Variants in FGF12 observed in about 807,000 individuals in gnomAD.
The protein encoded by FGF12 is fibroblast growth factor 12B.
Under a neutral mutation model 23.6 loss-of-function variants are expected in FGF12, and 14 were observed. The observed-to-expected ratio is 0.59, with a 90% CI of 0.39 to 0.93. The LOEUF (loss-of-function observed/expected upper bound fraction) is 0.93. Ranked by LOEUF, FGF12 falls within the 40% of genes least tolerant of loss-of-function variation. The pLI is 0.00. For synonymous variants in FGF12, 62 were observed against 77.3 expected (o/e 0.80, Z 1.04); for missense variants, 175 against 217.8 (o/e 0.80, Z 1.24).
At chr3:192,482,525 T>G (rs1723508445) in intron 2 of FGF12, among the ~76,000 whole-genome samples, 1 of 152,106 alleles carries the variant, frequency 6.6e-6, no homozygotes, top group Non-Finnish European at 1.5e-5. Flanking sequence ...TCCCAGCTAC[T>G]CAGGAGGCTG....
At chr3:192,223,612 T>G (rs562191846) in intron 4 of FGF12, among the ~76,000 whole-genome samples, 1 of 152,240 alleles carries the variant, frequency 6.6e-6, no homozygotes, top group East Asian at 1.9e-4. Flanking sequence ...GCAAAATTAT[T>G]CACGGTATCT....
chr3:192,247,662 T>C (rs1711712249), intron 4 of FGF12, among the ~76,000 whole-genome samples: 1 of 152,158 alleles, frequency 6.6e-6, no homozygotes, highest in African/African-American at 2.4e-5. Context: ...ATATAGTTAT[T>C]GATTCTACCA....
intron 2 of FGF12, among the ~76,000 whole-genome samples, chr3:192,588,349 C>CAAAAAAAAAAAAA (rs1201739223): frequency 1.3e-4 from 9 of 66,968 alleles, no homozygotes; most frequent in East Asian, 4.7e-4. Flanking sequence ...CAATCCGTCT[C>CAAAAAAAAAAAAA]AAAAAAAAAA....
chr3:192,373,569 A>G (rs903114316), intron 2 of FGF12, among the ~76,000 whole-genome samples: 1 of 152,236 alleles, frequency 6.6e-6, no homozygotes, highest in Non-Finnish European at 1.5e-5. Context: ...CAATTAATTT[A>G]TTACTTGATA....
intron 4 of FGF12, among the ~76,000 whole-genome samples, chr3:192,270,062 G>A (rs80213417): frequency 0.022 from 3,333 of 152,242 alleles, 95 homozygotes; most frequent in African/African-American, 0.065. Context: ...TTTCAATTTT[G>A]TGTTCCACAT....
rs960200535 is a variant in FGF12 at position 192,360,529 on chromosome 3, A to C, written c.23T>G (p.Leu8Arg). The change falls in exon 3 of 6, where the codon CTC (leucine) becomes CGC (arginine). Residue 8 changes from leucine (L) to arginine (R), a missense_variant. Coordinates refer to ENST00000445105, the MANE Select transcript of FGF12 (RefSeq NM_004113.6). This position sits in a 1 kb window ranked among gnomAD's most constrained non-coding sequence, Gnocchi z 4.3. The stretch of plus-strand genomic sequence containing the variant: ...GAATAACCTTGTCACAATCCCTTTG[A>C]GCTGGGGTTCTGCAAAACAAAATAA... Reference protein sequence around the residue: MESKEPQLKGIVTRLFSQ... With the variant: MESKEPQRKGIVTRLFSQ... 3.1e-6 allele frequency: 5 copies of C among 1,612,816 alleles called. No homozygotes were observed. Among genetic ancestry groups the C allele is most frequent in the Non-Finnish European group, 4.2e-6 (5 of 1,178,984 alleles).
chr3:192,267,508 G>T (rs905878355), intron 4 of FGF12, among the ~76,000 whole-genome samples: 2 of 152,126 alleles, frequency 1.3e-5, no homozygotes, highest in Admixed American at 1.3e-4. Flanking sequence ...GGGCCAAGAA[G>T]ATTCTCCAAG....
intron 4 of FGF12, among the ~76,000 whole-genome samples, chr3:192,327,937 A>G (rs569165948): frequency 6.6e-6 from 1 of 152,216 alleles, no homozygotes; most frequent in Non-Finnish European, 1.5e-5. Flanking sequence ...TTTAAGTGCT[A>G]TTCTCCTAGA....
chr3:192,503,764 C>T (rs1724206984), intron 2 of FGF12, among the ~76,000 whole-genome samples: 1 of 151,936 alleles, frequency 6.6e-6, no homozygotes, highest in South Asian at 2.1e-4. Flanking sequence ...CGCCACCACG[C>T]CCGGCTAAAT....
intron 2 of FGF12, among the ~76,000 whole-genome samples, chr3:192,682,742 T>C (rs1049543393): frequency 6.6e-6 from 1 of 152,180 alleles, no homozygotes; most frequent in African/African-American, 2.4e-5. Context: ...TGTCTCTGGA[T>C]GCGGGCTAGT....
At chr3:192,347,797 A>T (rs1718030965) in intron 3 of FGF12, among the ~76,000 whole-genome samples, 1 of 152,120 alleles carries the variant, frequency 6.6e-6, no homozygotes, top group Non-Finnish European at 1.5e-5. Context: ...ATGGCTCTTG[A>T]TCACTCTTCA....
At chr3:192,373,261 G>A (rs903061977) in intron 2 of FGF12, among the ~76,000 whole-genome samples, 3 of 151,052 alleles carry the variant, frequency 2.0e-5, no homozygotes, top group African/African-American at 7.3e-5. Flanking sequence ...TTAGCATAGT[G>A]CCCATTAACA....
At chr3:192,352,119 T>C (rs1718249265) in intron 3 of FGF12, among the ~76,000 whole-genome samples, 1 of 152,170 alleles carries the variant, frequency 6.6e-6, no homozygotes, top group African/African-American at 2.4e-5. Context: ...TCTCTTCAAG[T>C]AATTAATCAA....
In FGF12 at chr3:192,360,862, TAG is replaced by T. The variant is rs1718690991; in HGVS notation, c.14-326_14-325del. 1.3e-5 allele frequency among the ~76,000 whole-genome samples: 2 copies of T among 152,272 alleles called. No individual in the cohort carries two copies. The highest frequency in any genetic ancestry group is 4.1e-4 in the South Asian group (2 of 4,826). On this transcript the variant is annotated intron_variant, in intron 2 of 5. Coordinates refer to ENST00000445105, the MANE Select transcript of FGF12 (RefSeq NM_004113.6). This position sits in a 1 kb window ranked among gnomAD's most constrained non-coding sequence, Gnocchi z 4.3. ...TGACTGCAAGATTTCACCAACTTTA[TAG>T]TCCCATTCCAGAATTATTGTTTAGG...
chr3:192,190,778 A>G (rs1157000176), intron 4 of FGF12, among the ~76,000 whole-genome samples: 1 of 152,134 alleles, frequency 6.6e-6, no homozygotes. Flanking sequence ...CCCGGCCCCA[A>G]TACTCTTTTT....
At chr3:192,501,634 G>C (rs1428358269) in intron 2 of FGF12, among the ~76,000 whole-genome samples, 2 of 152,172 alleles carry the variant, frequency 1.3e-5, no homozygotes, top group Non-Finnish European at 2.9e-5. Context: ...ACTAGAATAG[G>C]AACTGAGCAC....
chr3:192,575,500 AGAG>A (rs1196383148), intron 2 of FGF12, among the ~76,000 whole-genome samples: 5 of 152,202 alleles, frequency 3.3e-5, no homozygotes, highest in South Asian at 4.1e-4. Context: ...TGGAGGAGGA[AGAG>A]GAGGAGGAGG....
chr3:192,440,514 C>T (rs954910499), intron 2 of FGF12, among the ~76,000 whole-genome samples: 5 of 152,210 alleles, frequency 3.3e-5, no homozygotes, highest in East Asian at 1.9e-4. Flanking sequence ...CGGAATGTAG[C>T]GATACTGCCA....
chr3:192,672,243 C>T (rs1241071690), intron 2 of FGF12, among the ~76,000 whole-genome samples: 2 of 151,066 alleles, frequency 1.3e-5, no homozygotes, highest in Admixed American at 6.6e-5. Context: ...TGATACACAC[C>T]TCCCAGACCA....
Sources: allele counts gnomAD v4.1 joint callset (sites outside exome capture counted in the v4.1 genomes callset), GRCh38; gene constraint gnomAD v4.1.1; non-coding constraint Gnocchi (gnomAD v3.1); transcripts MANE v1.5; gene names NCBI Gene and HGNC (gene_info 2026-07-23, HGNC 2026-07-21).